The following PCDH9 variants were observed in gnomAD, a reference collection of about 807,000 sequenced individuals.
PCDH9 encodes protocadherin-9.
PCDH9 carries 24 observed loss-of-function variants against 70.6 expected under a neutral mutation model. The ratio of observed to expected loss-of-function variants is 0.34; its 90% CI spans 0.25 to 0.48. The LOEUF (loss-of-function observed/expected upper bound fraction) is 0.48. Ranked by LOEUF, PCDH9 falls within the 20% of genes least tolerant of loss-of-function variation. The pLI, the probability that PCDH9 is intolerant of heterozygous loss-of-function variation, is 0.99. For synonymous variants in PCDH9, 562 were observed against 558.5 expected (o/e 1.01, Z -0.09); for missense variants, 1,281 against 1,503.6 (o/e 0.85, Z 2.45).
chr13:66,385,976 G>T (rs1956921403), intron 4 of PCDH9, among the ~76,000 whole-genome samples: 1 of 146,878 alleles, frequency 6.8e-6, no homozygotes, highest in Admixed American at 6.8e-5. Context: ...TTCCTATTTT[G>T]TTTTAAGAAA....
chr13:66,449,344 T>C (rs1958160893), intron 4 of PCDH9, among the ~76,000 whole-genome samples: 1 of 152,206 alleles, frequency 6.6e-6, no homozygotes. Flanking sequence ...CTTAGTCTTT[T>C]TTGTTCATTT....
intron 2 of PCDH9, among the ~76,000 whole-genome samples, chr13:67,052,295 C>T (rs1050574011): frequency 6.6e-6 from 1 of 151,946 alleles, no homozygotes; most frequent in African/African-American, 2.4e-5. Flanking sequence ...TAAGTTAGCC[C>T]TTTAATAAGG....
intron 2 of PCDH9, among the ~76,000 whole-genome samples, chr13:67,104,742 G>T (rs928448115): frequency 1.3e-5 from 2 of 151,992 alleles, no homozygotes; most frequent in African/African-American, 2.4e-5. Flanking sequence ...GTAGAGACGG[G>T]GTTTCACCAT....
At chr13:67,069,513 C>T (rs1402719802) in intron 2 of PCDH9, among the ~76,000 whole-genome samples, 1 of 151,958 alleles carries the variant, frequency 6.6e-6, no homozygotes, top group Non-Finnish European at 1.5e-5. Context: ...ACATCGAAAC[C>T]ATAGGGTAAT....
chr13:67,127,447 A>G (rs2087004465), intron 2 of PCDH9, among the ~76,000 whole-genome samples: 1 of 152,052 alleles, frequency 6.6e-6, no homozygotes, highest in Non-Finnish European at 1.5e-5. Context: ...ATACATCTCT[A>G]TGAGATGAAG....
intron 4 of PCDH9, among the ~76,000 whole-genome samples, chr13:66,324,810 T>C (rs1199438297): frequency 6.6e-6 from 1 of 152,118 alleles, no homozygotes; most frequent in African/African-American, 2.4e-5. Flanking sequence ...TAGATTAATA[T>C]AATTCACCAA....
At chr13:66,998,491 C>A (rs2139814148) in intron 2 of PCDH9, among the ~76,000 whole-genome samples, 1 of 152,294 alleles carries the variant, frequency 6.6e-6, no homozygotes. Context: ...GTGTCTGTGT[C>A]ACTCAGATCA....
At chr13:67,186,434 A>G (rs949827620) in intron 2 of PCDH9, among the ~76,000 whole-genome samples, 1 of 152,162 alleles carries the variant, frequency 6.6e-6, no homozygotes, top group Admixed American at 6.6e-5. Flanking sequence ...TTTAATGTAC[A>G]TCGTAATCAC....
At chr13:66,792,332 T>C (rs1474313593) in intron 3 of PCDH9, among the ~76,000 whole-genome samples, 3 of 152,168 alleles carry the variant, frequency 2.0e-5, no homozygotes, top group African/African-American at 7.2e-5. Flanking sequence ...TGTACTCCTA[T>C]AGAGTTAGGA....
intron 2 of PCDH9, among the ~76,000 whole-genome samples, chr13:67,060,207 G>C (rs1345202532): frequency 6.6e-6 from 1 of 152,006 alleles, no homozygotes; most frequent in African/African-American, 2.4e-5. Context: ...CACTCAATAG[G>C]AGCAAAAGAG....
At chr13:66,562,824 C>G (rs188436490) in intron 4 of PCDH9, among the ~76,000 whole-genome samples, 60 of 152,070 alleles carry the variant, frequency 3.9e-4, no homozygotes, top group African/African-American at 1.4e-3. Flanking sequence ...ACTCATAGAG[C>G]CATTTCATAT....
chr13:66,330,271 A>G (rs1955920058), intron 4 of PCDH9, among the ~76,000 whole-genome samples: 1 of 152,198 alleles, frequency 6.6e-6, no homozygotes. Context: ...CTAATTCACC[A>G]AGTAATTGCT....
At chr13:66,455,849 A>G (rs1473834724) in intron 4 of PCDH9, among the ~76,000 whole-genome samples, 2 of 152,168 alleles carry the variant, frequency 1.3e-5, no homozygotes, top group South Asian at 2.1e-4. Context: ...AATTTTATAT[A>G]CTAAAGAAAG....
intron 4 of PCDH9, among the ~76,000 whole-genome samples, chr13:66,575,108 G>A (rs2076795087): frequency 6.7e-6 from 1 of 149,916 alleles, no homozygotes; most frequent in African/African-American, 2.5e-5. Context: ...GGGAAGCAGA[G>A]GTTGTGGTGA....
intron 2 of PCDH9, among the ~76,000 whole-genome samples, chr13:67,174,958 T>G (rs1324491956): frequency 7.7e-5 from 5 of 64,716 alleles, no homozygotes; most frequent in Non-Finnish European, 1.3e-4. Flanking sequence ...AGACCTCATC[T>G]CTACCAAAAA....
intron 3 of PCDH9, among the ~76,000 whole-genome samples, chr13:66,763,388 T>A (rs1377064788): frequency 1.3e-5 from 2 of 151,810 alleles, no homozygotes. Flanking sequence ...GTGAAGTATA[T>A]AAGAATAAGG....
chr13:66,804,054 T>C (rs1264178762), intron 3 of PCDH9, among the ~76,000 whole-genome samples: 1 of 152,202 alleles, frequency 6.6e-6, no homozygotes, highest in African/African-American at 2.4e-5. Flanking sequence ...GCCATTTGCC[T>C]GGTTAAAATC....
At chr13:66,534,708 C>A (rs1396174466) in intron 4 of PCDH9, among the ~76,000 whole-genome samples, 1 of 152,048 alleles carries the variant, frequency 6.6e-6, no homozygotes, top group Non-Finnish European at 1.5e-5. Flanking sequence ...TAAGTTATGA[C>A]TGTAGTTGCA....
intron 3 of PCDH9, among the ~76,000 whole-genome samples, chr13:66,877,813 C>A (rs560090079): frequency 5.9e-5 from 9 of 152,080 alleles, no homozygotes; most frequent in African/African-American, 2.2e-4. Context: ...GTGGCTCCTG[C>A]GAGTTAAAAT....
Sources: allele counts gnomAD v4.1 joint callset (sites outside exome capture counted in the v4.1 genomes callset), GRCh38; gene constraint gnomAD v4.1.1; transcripts MANE v1.5; gene names NCBI Gene and HGNC (gene_info 2026-07-23, HGNC 2026-07-21).